The following AHCYL2 variants were observed in gnomAD, a reference collection of about 807,000 sequenced individuals.
AHCYL2 encodes the protein adenosylhomocysteinase like 2, also known as S-adenosylhomocysteine hydrolase-like protein 2.
Under a neutral mutation model 81.4 loss-of-function variants are expected in AHCYL2, and 28 were observed. The observed-to-expected ratio is 0.34, with a 90% CI of 0.25 to 0.47. The LOEUF (loss-of-function observed/expected upper bound fraction) is 0.47, where lower values mean the gene tolerates loss of function less well. Among genes scored for constraint, AHCYL2 ranks in the 20% least tolerant of loss-of-function variants. The pLI is 1.00. For synonymous variants in AHCYL2, 272 were observed against 290.2 expected, an observed-to-expected ratio of 0.94 and a Z score of 0.64; for missense variants, 551 against 785.1, an observed-to-expected ratio of 0.70 and a Z score of 3.56.
intron 1 of AHCYL2, among the ~76,000 whole-genome samples, chr7:129,265,282 A>G (rs1795777214): frequency 6.6e-6 from 1 of 152,190 alleles, no homozygotes; most frequent in African/African-American, 2.4e-5. Flanking sequence ...AGGAAGGGGA[A>G]AAAGGCAAAA....
chr7:129,389,033 T>C (rs750905488), intron 2 of AHCYL2, 23 bp from the exon 3 acceptor site: 12 of 1,586,610 alleles, frequency 7.6e-6, no homozygotes, highest in Middle Eastern at 1.7e-4. Context: ...TTTTTCCGAG[T>C]GTTTTTTATT....
intron 1 of AHCYL2, among the ~76,000 whole-genome samples, chr7:129,343,785 G>T (rs1465642163): frequency 2.0e-5 from 3 of 152,196 alleles, no homozygotes; most frequent in Admixed American, 6.5e-5. Context: ...TACTCTAAAA[G>T]AAAATGTTTT....
At chr7:129,326,605 A>G (rs1266667149) in intron 1 of AHCYL2, among the ~76,000 whole-genome samples, 2 of 151,912 alleles carry the variant, frequency 1.3e-5, no homozygotes, top group East Asian at 3.9e-4. Flanking sequence ...AACTACTTGA[A>G]CTCCTATTCT....
At chr7:129,417,331 AG>A (rs958872696) in intron 12 of AHCYL2, among the ~76,000 whole-genome samples, 75 of 152,358 alleles carry the variant, frequency 4.9e-4, no homozygotes, top group African/African-American at 1.8e-3. Flanking sequence ...GAAGAGTGGA[AG>A]ATGAGGTCAG....
chr7:129,232,135 G>A (rs1794468000), intron 1 of AHCYL2, among the ~76,000 whole-genome samples: 1 of 152,108 alleles, frequency 6.6e-6, no homozygotes. Context: ...ACATTCTACA[G>A]TGCTCCAAGG....
chr7:129,424,599 A>G (rs1360045175), intron 13 of AHCYL2: 1 of 502,656 alleles, frequency 2.0e-6, no homozygotes, highest in African/African-American at 1.9e-5. Context: ...GTACACTGAT[A>G]TTTGGCATAA....
chr7:129,250,917 A>C lies in AHCYL2; in HGVS notation c.363+25478A>C, dbSNP rs148593747. ...AATTACTCATCTAAATTTGCAGTTC[A>C]TGGTCTGCTTGTCCATATTAAAGTC... On this transcript the variant is annotated intron_variant, in intron 1 of 16. Transcript: ENST00000325006. Among the ~76,000 whole-genome samples the C allele has an allele frequency of 5.9e-3, 899 of 152,342 alleles. 5 individuals are homozygous for C. Among genetic ancestry groups the C allele is most frequent in the Non-Finnish European group, 9.6e-3 (651 of 68,032 alleles).
chr7:129,337,292 T>G (rs1322789427), intron 1 of AHCYL2, among the ~76,000 whole-genome samples: 1 of 152,228 alleles, frequency 6.6e-6, no homozygotes. Context: ...CTTTTTTCAC[T>G]TAAAATATAT....
chr7:129,415,987 C>T (rs1325060004), intron 12 of AHCYL2, among the ~76,000 whole-genome samples: 2 of 151,962 alleles, frequency 1.3e-5, no homozygotes, highest in Admixed American at 6.6e-5. Flanking sequence ...TACAGTGAGC[C>T]GCGATCACGC....
intron 1 of AHCYL2, among the ~76,000 whole-genome samples, chr7:129,241,876 G>GA (rs1306800689): frequency 1.0e-3 from 151 of 149,918 alleles, no homozygotes; most frequent in African/African-American, 3.5e-3. Context: ...AAGGGAGACA[G>GA]AAAAAAAAAA....
chr7:129,414,856 A>G (rs1397094066), intron 12 of AHCYL2, among the ~76,000 whole-genome samples: 1 of 152,186 alleles, frequency 6.6e-6, no homozygotes, highest in Non-Finnish European at 1.5e-5. Flanking sequence ...GTATGCTTTC[A>G]TCTCCACTGA....
intron 1 of AHCYL2, among the ~76,000 whole-genome samples, chr7:129,295,138 G>C (rs1426119172): frequency 6.6e-6 from 1 of 152,206 alleles, no homozygotes; most frequent in Non-Finnish European, 1.5e-5. Flanking sequence ...TGGCACAGGA[G>C]TTATTCTCCT....
At chr7:129,281,102 A>G (rs996707405) in intron 1 of AHCYL2, among the ~76,000 whole-genome samples, 6 of 152,020 alleles carry the variant, frequency 3.9e-5, no homozygotes, top group African/African-American at 1.5e-4. Context: ...TGACCTCATG[A>G]TCTGCCCACC....
chr7:129,371,358 G>A (rs1408679808), intron 1 of AHCYL2, among the ~76,000 whole-genome samples: 1 of 152,104 alleles, frequency 6.6e-6, no homozygotes, highest in African/African-American at 2.4e-5. Flanking sequence ...CAGAGAATAG[G>A]ACTCACACCA....
intron 1 of AHCYL2, among the ~76,000 whole-genome samples, chr7:129,353,358 A>C (rs1056842906): frequency 6.6e-6 from 1 of 152,090 alleles, no homozygotes; most frequent in South Asian, 2.1e-4. Context: ...TCTTTCTTAC[A>C]TCAGGGGTTT....
intron 1 of AHCYL2, among the ~76,000 whole-genome samples, chr7:129,348,858 T>C (rs1188815816): frequency 2.0e-5 from 3 of 152,172 alleles, no homozygotes; most frequent in Non-Finnish European, 1.5e-5. Context: ...TTCCAGACTT[T>C]CCAGATTCTA....
At chr7:129,315,541 C>G (rs534255678) in intron 1 of AHCYL2, among the ~76,000 whole-genome samples, 1 of 152,234 alleles carries the variant, frequency 6.6e-6, no homozygotes, top group Non-Finnish European at 1.5e-5. Flanking sequence ...CTTTCCCAAC[C>G]TTTATATATT....
chr7:129,260,181 T>C (rs1795574938), intron 1 of AHCYL2, among the ~76,000 whole-genome samples: 1 of 152,184 alleles, frequency 6.6e-6, no homozygotes, highest in Non-Finnish European at 1.5e-5. Context: ...TTTACTTTGA[T>C]TTTAAGTTTC....
At chr7:129,289,529 C>A (rs1796761713) in intron 1 of AHCYL2, among the ~76,000 whole-genome samples, 1 of 152,134 alleles carries the variant, frequency 6.6e-6, no homozygotes, top group Non-Finnish European at 1.5e-5. Context: ...TAAAGAGAAA[C>A]CTCCCCTTTT....
Sources: gnomAD v4.1 joint callset for allele counts (sites outside exome capture counted in the v4.1 genomes callset) on GRCh38, gnomAD v4.1.1 for gene constraint, MANE v1.5 for transcripts, NCBI Gene and HGNC (gene_info 2026-07-23, HGNC 2026-07-21) for gene names.